ADAMTS17: variants seen among roughly 807,000 people sequenced by gnomAD.
The protein encoded by ADAMTS17 is ADAM metallopeptidase with thrombospondin type 1 motif 17.
ADAMTS17 carries 113 observed loss-of-function variants against 141.5 expected under a neutral mutation model. The ratio of observed to expected loss-of-function variants is 0.80; its 90% confidence interval spans 0.69 to 0.93. The LOEUF is 0.93. ADAMTS17 is among the 40% of genes least tolerant of loss of function. ADAMTS17 has a pLI of 0.00. For missense variants in ADAMTS17, 1,659 were observed against 1,517.9 expected, an observed-to-expected ratio of 1.09 and a Z score of -1.54; for synonymous variants, 768 against 630.6, an observed-to-expected ratio of 1.22 and a Z score of -3.27.
intron 15 of ADAMTS17, among the ~76,000 whole-genome samples, chr15:100,075,981 C>T (rs1024456862): frequency 1.3e-5 from 2 of 152,110 alleles, no homozygotes; most frequent in African/African-American, 4.8e-5. Context: ...CTCTTTCTTG[C>T]TTCATTGTAT....
At chr15:100,266,566 C>T (rs1013540653) in intron 4 of ADAMTS17, among the ~76,000 whole-genome samples, 10 of 152,216 alleles carry the variant, frequency 6.6e-5, no homozygotes, top group African/African-American at 2.4e-4. Flanking sequence ...GCTCTCCACA[C>T]CCTGGCCTCC....
intron 15 of ADAMTS17, among the ~76,000 whole-genome samples, chr15:100,084,473 C>G (rs1235245957): frequency 6.6e-6 from 1 of 152,226 alleles, no homozygotes; most frequent in East Asian, 1.9e-4. Flanking sequence ...ATGTCCCTTT[C>G]TGACAGCCTT....
intron 7 of ADAMTS17, among the ~76,000 whole-genome samples, chr15:100,253,458 AGG>A (rs1567434062): frequency 5.1e-5 from 1 of 19,596 alleles, no homozygotes; most frequent in African/African-American, 2.5e-4. Flanking sequence ...GGGAAGGTAG[AGG>A]GGGAGGGGAA....
chr15:100,293,343 G>T (rs563462965), intron 3 of ADAMTS17, among the ~76,000 whole-genome samples: 1 of 152,316 alleles, frequency 6.6e-6, no homozygotes, highest in African/African-American at 2.4e-5. Flanking sequence ...TTACTGGGTG[G>T]CATGACCTAG....
chr15:100,158,860 C>T lies in ADAMTS17; in HGVS notation c.1182-3540G>A, dbSNP rs77090649. Among the ~76,000 whole-genome samples the T allele has an allele frequency of 2.9e-3, 439 of 152,152 alleles. 3 individuals carry two copies. The highest frequency in any genetic ancestry group is 4.1e-3 in the Non-Finnish European group (278 of 68,014). On this transcript the variant is annotated intron_variant, in intron 8 of 21. Coordinates refer to ENST00000268070, the MANE Select transcript of ADAMTS17 (RefSeq NM_139057.4). ...AAGACATACAAATGGCCAGCAGGCACGTGAAAAGATGCCCAACGTCACTAA... is the reference window on the plus strand; with the variant it reads ...AAGACATACAAATGGCCAGCAGGCATGTGAAAAGATGCCCAACGTCACTAA...
chr15:100,010,796 C>T (rs1470669337), intron 18 of ADAMTS17, among the ~76,000 whole-genome samples: 1 of 152,218 alleles, frequency 6.6e-6, no homozygotes, highest in Non-Finnish European at 1.5e-5. Flanking sequence ...AGCTGGGCTG[C>T]AATGTTCTCC....
intron 3 of ADAMTS17, among the ~76,000 whole-genome samples, chr15:100,308,704 T>C (rs56376049): frequency 0.063 from 9,638 of 152,154 alleles, 361 homozygotes; most frequent in Non-Finnish European, 0.087. Context: ...GCCATCCAAG[T>C]TTGCCCTGGC....
At chr15:100,075,952 GC>G (rs2034342305) in intron 15 of ADAMTS17, among the ~76,000 whole-genome samples, 1 of 152,090 alleles carries the variant, frequency 6.6e-6, no homozygotes, top group South Asian at 2.1e-4. Flanking sequence ...CCTCAATTCT[GC>G]TAAGTCACGT....
chr15:99,975,811 GGGAGACGCTCAGGTGCCTGTGTT>G (rs2060310928), intron 21 of ADAMTS17, among the ~76,000 whole-genome samples: 1 of 152,222 alleles, frequency 6.6e-6, no homozygotes, highest in Non-Finnish European at 1.5e-5. Context: ...AAAGGGGTGA[GGGAGACGCTCAGGTGCCTGTGTT>G]GGAGACAGCA....
At chr15:100,288,651 A>C (rs892574512) in intron 3 of ADAMTS17, among the ~76,000 whole-genome samples, 7 of 152,222 alleles carry the variant, frequency 4.6e-5, no homozygotes, top group Admixed American at 4.6e-4. Context: ...CAAAAAACCC[A>C]AAATTATATC....
chr15:100,287,546 T>G (rs1374971333), intron 3 of ADAMTS17, among the ~76,000 whole-genome samples: 1 of 152,120 alleles, frequency 6.6e-6, no homozygotes, highest in Non-Finnish European at 1.5e-5. Flanking sequence ...CCCTGAAAGA[T>G]CCTATACAAG....
chr15:100,041,646 G>A (rs1002542398), intron 18 of ADAMTS17, among the ~76,000 whole-genome samples: 25 of 152,238 alleles, frequency 1.6e-4, no homozygotes, highest in African/African-American at 6.0e-4. Flanking sequence ...CAATGTCAGG[G>A]TCAGGTTTGT....
intron 7 of ADAMTS17, among the ~76,000 whole-genome samples, chr15:100,205,016 C>G (rs527670463): frequency 6.6e-6 from 1 of 152,144 alleles, no homozygotes; most frequent in Non-Finnish European, 1.5e-5. Context: ...TGAGCTGTTG[C>G]TTCATGATGG....
chr15:100,076,217 A>G (rs1459863370), intron 15 of ADAMTS17, among the ~76,000 whole-genome samples: 1 of 151,610 alleles, frequency 6.6e-6, no homozygotes, highest in Non-Finnish European at 1.5e-5. Flanking sequence ...TAATTTTTGT[A>G]TTTTTAGTAG....
chr15:100,245,557 A>G (rs187241937), intron 7 of ADAMTS17, among the ~76,000 whole-genome samples: 17 of 152,336 alleles, frequency 1.1e-4, no homozygotes, highest in African/African-American at 3.6e-4. Context: ...ACATATTTTC[A>G]CCATTTTCTA....
chr15:100,259,205 G>A (rs78306054), intron 6 of ADAMTS17, among the ~76,000 whole-genome samples: 4,644 of 152,318 alleles, frequency 0.03, 101 homozygotes, highest in Middle Eastern at 0.061. Context: ...CTCTAGGAAA[G>A]TCTTTCAGAC....
At chr15:100,127,514 G>T (rs911928808) in intron 12 of ADAMTS17, among the ~76,000 whole-genome samples, 2 of 152,170 alleles carry the variant, frequency 1.3e-5, no homozygotes, top group Non-Finnish European at 2.9e-5. Flanking sequence ...TCCAAACGTG[G>T]CCTGCCGCTG....
rs77347723 is a variant in ADAMTS17, at chr15:100,203,120, G to C, written c.1076-3697C>G. Among the ~76,000 whole-genome samples the C allele has an allele frequency of 2.2e-4, 34 of 152,308 alleles. No homozygotes were observed. In the East Asian group the frequency reaches 6.6e-3, roughly 29 times the overall value. On this transcript the variant is annotated intron_variant, in intron 7 of 21. Transcript: ENST00000268070. ...CACTCGACCCTCCCTTGCTTGGCAG[G>C]CATGACTGGTCCCATTTTATAGATG... is the stretch of plus-strand genomic sequence containing the variant.
chr15:100,073,769 G>T (rs1421743362), intron 15 of ADAMTS17, among the ~76,000 whole-genome samples: 552 of 7,174 alleles, frequency 0.077, 11 homozygotes, highest in African/African-American at 0.15. Context: ...GTTGTGGGGT[G>T]GGGGGAGGGG....
Sources: allele counts gnomAD v4.1 joint callset (sites outside exome capture counted in the v4.1 genomes callset), GRCh38; gene constraint gnomAD v4.1.1; transcripts MANE v1.5; gene names NCBI Gene and HGNC (gene_info 2026-07-23, HGNC 2026-07-21).